RAD51B: variants seen among roughly 807,000 people sequenced by gnomAD.
RAD51B encodes RAD51 paralog B.
Under a neutral mutation model 42.2 loss-of-function variants are expected in RAD51B, and 38 were observed. The observed-to-expected ratio is 0.90, with a 90% CI of 0.70 to 1.18. The LOEUF (loss-of-function observed/expected upper bound fraction) is 1.18, where lower values mean the gene tolerates loss of function less well. Ranked by LOEUF, RAD51B falls within the 50% of genes most tolerant of loss-of-function variation. The pLI, the probability that RAD51B is intolerant of heterozygous loss-of-function variation, is 0.00. For missense variants in RAD51B, 373 were observed against 400.7 expected (o/e 0.93, Z 0.59); for synonymous variants, 154 against 145.2 (o/e 1.06, Z -0.43).
At chr14:68,554,728 T>G (rs1888744283) in intron 10 of RAD51B, among the ~76,000 whole-genome samples, 1 of 152,230 alleles carries the variant, frequency 6.6e-6, no homozygotes, top group Non-Finnish European at 1.5e-5. Context: ...AGTGTGACAG[T>G]GCAGAATTTT....
chr14:68,184,240 A>G (rs1362971430), intron 7 of RAD51B, among the ~76,000 whole-genome samples: 1 of 152,054 alleles, frequency 6.6e-6, no homozygotes, highest in Admixed American at 6.6e-5. Flanking sequence ...ATTTTTTAAA[A>G]AAAGTTATTT....
chr14:68,599,019 C>A (rs560048465), downstream of RAD51B, among the ~76,000 whole-genome samples: 8 of 152,306 alleles, frequency 5.3e-5, no homozygotes, highest in East Asian at 1.5e-3. Flanking sequence ...AGGAACACAG[C>A]AGCACTTTGG....
chr14:68,371,497 A>G (rs924611714), intron 8 of RAD51B, among the ~76,000 whole-genome samples: 8 of 151,876 alleles, frequency 5.3e-5, no homozygotes, highest in African/African-American at 1.9e-4. Flanking sequence ...CAGCCTGGCG[A>G]CACAATGAGA....
At chr14:68,653,545 G>A (rs1892746338) in intron 11 of RAD51B, among the ~76,000 whole-genome samples, 1 of 152,158 alleles carries the variant, frequency 6.6e-6, no homozygotes, top group African/African-American at 2.4e-5. Flanking sequence ...TGTATTGTAG[G>A]ATGTCTAGAA....
At chr14:67,954,964 A>C (rs1028013795) in intron 7 of RAD51B, among the ~76,000 whole-genome samples, 2 of 152,086 alleles carry the variant, frequency 1.3e-5, no homozygotes, top group African/African-American at 4.8e-5. Context: ...AGAGGACAGG[A>C]GATGGGTGGA....
chr14:68,327,405 T>A (rs2082271901), intron 8 of RAD51B, among the ~76,000 whole-genome samples: 1 of 150,022 alleles, frequency 6.7e-6, no homozygotes, highest in African/African-American at 2.5e-5. Flanking sequence ...TAACAAAGAG[T>A]TGTTCCATTT....
Position 68,208,247 on chromosome 14 carries a change from A to G in RAD51B, c.757-83637A>G, listed in dbSNP as rs958562726. 2.0e-5 allele frequency among the ~76,000 whole-genome samples: 3 copies of G among 152,344 alleles called. No individual in the cohort carries two copies. In the South Asian group the frequency reaches 6.2e-4, roughly 32 times the overall value. ...GGATCTAACCCAGATTACCTGACCAAGAGAGTCCCCAAGAAAAACAAGGTG... is the reference window on the plus strand; with the variant it reads ...GGATCTAACCCAGATTACCTGACCAGGAGAGTCCCCAAGAAAAACAAGGTG... On this transcript the variant is annotated intron_variant, in intron 7 of 10. Coordinates refer to ENST00000471583, the MANE Select transcript of RAD51B (RefSeq NM_133510.4).
At chr14:68,534,723 CCTTATCAT>C (rs1334668929) in intron 10 of RAD51B, among the ~76,000 whole-genome samples, 1 of 152,070 alleles carries the variant, frequency 6.6e-6, no homozygotes, top group Non-Finnish European at 1.5e-5. Flanking sequence ...TACCAACATA[CCTTATCAT>C]CTGTCCTCCC....
intron 7 of RAD51B, among the ~76,000 whole-genome samples, chr14:68,015,279 T>G (rs1449845165): frequency 2.0e-5 from 3 of 152,194 alleles, no homozygotes; most frequent in African/African-American, 7.2e-5. Context: ...AGCATGACAT[T>G]TATTTAACAC....
exon 11 of RAD51B, chr14:68,595,134 A>C: frequency 9.4e-7 from 1 of 1,066,848 alleles, no homozygotes. Context: ...GCATGTTAGG[A>C]GCGCTGGAAC....
chr14:68,605,798 C>G (rs1418649559), intron 10 of RAD51B, among the ~76,000 whole-genome samples: 1 of 152,196 alleles, frequency 6.6e-6, no homozygotes, highest in Non-Finnish European at 1.5e-5. Context: ...TCCTGCCCCC[C>G]TGCAAAGTTT....
chr14:67,947,476 T>C (rs1289163506), intron 7 of RAD51B, among the ~76,000 whole-genome samples: 3 of 152,222 alleles, frequency 2.0e-5, no homozygotes, highest in African/African-American at 7.2e-5. Flanking sequence ...CATTTTAATG[T>C]CTGACCCATG....
At chr14:68,507,333 T>G (rs1246603352) in intron 10 of RAD51B, among the ~76,000 whole-genome samples, 1 of 152,186 alleles carries the variant, frequency 6.6e-6, no homozygotes, top group African/African-American at 2.4e-5. Flanking sequence ...TTCTTTGAGC[T>G]TTACTTTGTG....
At chr14:68,366,250 A>G (rs8018477) in intron 8 of RAD51B, among the ~76,000 whole-genome samples, 67,484 of 151,962 alleles carry the variant, frequency 0.44, 16,766 homozygotes, top group South Asian at 0.59. Context: ...CATCAGCTTC[A>G]AGTAACAAAC....
At chr14:68,346,720 C>T (rs777646317) in intron 8 of RAD51B, among the ~76,000 whole-genome samples, 1 of 152,182 alleles carries the variant, frequency 6.6e-6, no homozygotes, top group Non-Finnish European at 1.5e-5. Context: ...GACTCCCTAG[C>T]ATACATACAG....
At chr14:68,325,283 G>A (rs879473428) in intron 8 of RAD51B, among the ~76,000 whole-genome samples, 5 of 152,154 alleles carry the variant, frequency 3.3e-5, no homozygotes, top group Non-Finnish European at 5.9e-5. Flanking sequence ...ACAATGCCTG[G>A]CCTGTAGTGA....
At chr14:68,662,711 T>A (rs188610579) in intron 11 of RAD51B, among the ~76,000 whole-genome samples, 24 of 152,374 alleles carry the variant, frequency 1.6e-4, no homozygotes, top group African/African-American at 5.5e-4. Context: ...AGTCATCTTT[T>A]TTCTTGGTAA....
rs1048798001 is a variant in RAD51B at position 68,551,617 on chromosome 14, T to C, written c.1037-42868T>C. 2.6e-5 allele frequency among the ~76,000 whole-genome samples: 4 copies of C among 152,222 alleles called. No homozygotes were observed. In the East Asian group the frequency reaches 7.7e-4, roughly 29 times the overall value. The stretch of plus-strand genomic sequence containing the variant: ...CCAGGATTTCTCTCTTTTTCTAGAA[T>C]GAAAACACCTCCAGGTCAAGGGCTT... On this transcript the variant is annotated intron_variant, in intron 10 of 10. Transcript: ENST00000487270.
At chr14:68,609,638 C>G (rs1298289568) in intron 10 of RAD51B, among the ~76,000 whole-genome samples, 2 of 152,214 alleles carry the variant, frequency 1.3e-5, no homozygotes, top group Non-Finnish European at 2.9e-5. Flanking sequence ...TTCCAGTGCA[C>G]AGCCACAAGC....
Sources: allele counts gnomAD v4.1 joint callset (sites outside exome capture counted in the v4.1 genomes callset), GRCh38; gene constraint gnomAD v4.1.1; transcripts MANE v1.5; gene names NCBI Gene and HGNC (gene_info 2026-07-23, HGNC 2026-07-21).